Variants in AVEN observed in about 807,000 individuals in gnomAD.
The protein encoded by AVEN is apoptosis and caspase activation inhibitor.
AVEN carries 41 observed loss-of-function variants against 38.1 expected under a neutral mutation model. That is an observed-to-expected ratio of 1.08 (90% CI 0.84 to 1.40). The LOEUF (loss-of-function observed/expected upper bound fraction) is 1.40, where lower values mean the gene tolerates loss of function less well. Ranked by LOEUF, AVEN falls within the 40% of genes most tolerant of loss-of-function variation. AVEN has a pLI of 0.00. For synonymous variants in AVEN, 206 were observed against 171.8 expected (o/e 1.20, Z -1.56); for missense variants, 605 against 438.8 (o/e 1.38, Z -3.38).
intron 3 of AVEN, among the ~76,000 whole-genome samples, chr15:33,872,548 G>C (rs1209327035): frequency 2.0e-5 from 3 of 152,018 alleles, no homozygotes; most frequent in Non-Finnish European, 4.4e-5. Context: ...TCTCTGGGTG[G>C]CGTGGGGGGA....
chr15:33,969,672 C>T (rs765505362), intron 2 of AVEN, among the ~76,000 whole-genome samples: 11 of 151,924 alleles, frequency 7.2e-5, no homozygotes, highest in Non-Finnish European at 1.2e-4. Context: ...TCTACTAAAT[C>T]GAGGTATAAC....
chr15:34,032,470 A>G (rs1263915312), intron 1 of AVEN, among the ~76,000 whole-genome samples: 1 of 152,240 alleles, frequency 6.6e-6, no homozygotes, highest in African/African-American at 2.4e-5. Context: ...GAGTAACACT[A>G]TTAAGAATGA....
chr15:33,965,006 A>C (rs1157928750), intron 2 of AVEN, among the ~76,000 whole-genome samples: 1 of 152,166 alleles, frequency 6.6e-6, no homozygotes, highest in African/African-American at 2.4e-5. Flanking sequence ...TAACAGGGTA[A>C]ACTTGAACAA....
chr15:33,925,091 T>C (rs1893563006), intron 2 of AVEN, among the ~76,000 whole-genome samples: 1 of 152,226 alleles, frequency 6.6e-6, no homozygotes, highest in Admixed American at 6.5e-5. Context: ...TATTAAACTC[T>C]GTGTTAACTA....
chr15:33,864,276 T>A, downstream of AVEN: 1 of 1,017,960 alleles, frequency 9.8e-7, no homozygotes. Flanking sequence ...CTGAAATACA[T>A]ACATGGCCCC....
intron 11 of AVEN, among the ~76,000 whole-genome samples, chr15:33,860,140 T>C (rs915358390): frequency 1.3e-5 from 2 of 151,944 alleles, no homozygotes; most frequent in African/African-American, 2.4e-5. Flanking sequence ...CTTGTCAAGA[T>C]TGGAGAAAGA....
chr15:33,865,229 C>CTGAATCAAAG, downstream of AVEN: 2 of 1,607,920 alleles, frequency 1.2e-6, no homozygotes, highest in Non-Finnish European at 1.7e-6. Flanking sequence ...TTGGATAAAT[C>CTGAATCAAAG]TGAATCAAAG....
At chr15:33,861,944 C>G (rs1888397517), downstream of AVEN, among the ~76,000 whole-genome samples, 1 of 151,886 alleles carries the variant, frequency 6.6e-6, no homozygotes, top group African/African-American at 2.4e-5. Flanking sequence ...TATCCCAGTA[C>G]CTAGAACAAT....
intron 2 of AVEN, among the ~76,000 whole-genome samples, chr15:33,908,113 C>T (rs910470402): frequency 1.3e-5 from 2 of 152,116 alleles, no homozygotes; most frequent in Admixed American, 6.5e-5. Flanking sequence ...ATAAAATTTA[C>T]GATTTTAGTC....
intron 2 of AVEN, among the ~76,000 whole-genome samples, chr15:33,881,143 C>T (rs8041144): frequency 0.037 from 5,664 of 152,172 alleles, 317 homozygotes; most frequent in South Asian, 0.12. Flanking sequence ...GGCTGGAGTG[C>T]AGTGGCACAA....
At chr15:33,858,518 TTATTATGA>T (rs1414004898), downstream of AVEN, 1 of 102,064 alleles carries the variant, frequency 9.8e-6, no homozygotes, top group Non-Finnish European at 2.5e-5. Flanking sequence ...AGATGAGACA[TTATTATGA>T]ATGAAACCAG....
chr15:33,893,926 A>G (rs559692894), intron 2 of AVEN, among the ~76,000 whole-genome samples: 4 of 151,232 alleles, frequency 2.6e-5, no homozygotes, highest in Admixed American at 6.6e-5. Context: ...AAAGAATGAG[A>G]AGGAGGAGCA....
chr15:33,876,408 C>T (rs894113532), intron 2 of AVEN, among the ~76,000 whole-genome samples: 4 of 151,790 alleles, frequency 2.6e-5, no homozygotes, highest in Non-Finnish European at 5.9e-5. Flanking sequence ...CGTGTCTCTA[C>T]TAAAAATACA....
chr15:34,004,956 G>A (rs1183445172), intron 1 of AVEN, among the ~76,000 whole-genome samples: 1 of 150,168 alleles, frequency 6.7e-6, no homozygotes, highest in Non-Finnish European at 1.5e-5. Context: ...TGTATAGGAT[G>A]GGTTAGTGTG....
chr15:33,859,536 G>A lies in AVEN; in HGVS notation n.2730-442C>T, dbSNP rs190330889. 211 of 1,611,212 alleles carry A rather than the reference G, an allele frequency of 1.3e-4. 3 individuals carry two copies. In the Admixed American group the frequency reaches 3.4e-3, roughly 26 times the overall value. On this transcript the variant is annotated intron_variant and non_coding_transcript_variant, in intron 11 of 11. Transcript: ENST00000675287. Reference sequence around the variant, plus strand: ...TGAGCATCTTGCTAAAAACAGAACTGTGACTTTTGCCTAAATCCCCCTTAT... The same window carrying A: ...TGAGCATCTTGCTAAAAACAGAACTATGACTTTTGCCTAAATCCCCCTTAT...
chr15:34,057,218 C>T (rs668922), intron 5 of AVEN, among the ~76,000 whole-genome samples: 95,158 of 150,284 alleles, frequency 0.63, 31,905 homozygotes, highest in South Asian at 0.77. Flanking sequence ...ACTGCAGCAA[C>T]CTCGGCTTCC....
chr15:33,927,862 T>C (rs1893685171), intron 2 of AVEN, among the ~76,000 whole-genome samples: 1 of 152,110 alleles, frequency 6.6e-6, no homozygotes, highest in African/African-American at 2.4e-5. Flanking sequence ...GTTGGGGACA[T>C]ATTTAATGTG....
rs148277277 is a variant in AVEN, at chr15:34,057,141, G to GTT, written n.1637+5780_1637+5781insAA. The stretch of plus-strand genomic sequence containing the variant: ...CAGGAGAAGAGTTTTGGTTTTTTTT[G>GTT]GTTTTTTTTTTTAGGTGGAGTCTTG... On this transcript the variant is annotated intron_variant and non_coding_transcript_variant, in intron 5 of 11. Coordinates refer to the AVEN transcript ENST00000675287. Among the ~76,000 whole-genome samples, 401 of 140,818 alleles carry GTT rather than the reference G, an allele frequency of 2.8e-3. 4 individuals carry two copies. The highest frequency in any genetic ancestry group is 3.3e-3 in the Non-Finnish European group (215 of 64,248). 92.4% of individuals were successfully genotyped at this position (140,818 alleles called of 152,430 possible).
At chr15:34,044,292 C>A (rs1262354652) in intron 5 of AVEN, among the ~76,000 whole-genome samples, 1 of 152,196 alleles carries the variant, frequency 6.6e-6, no homozygotes, top group Non-Finnish European at 1.5e-5. Context: ...GCAAGTTTCA[C>A]TGTGATCTCC....
Sources: gnomAD v4.1 joint callset for allele counts (sites outside exome capture counted in the v4.1 genomes callset) on GRCh38, gnomAD v4.1.1 for gene constraint, MANE v1.5 for transcripts, NCBI Gene and HGNC (gene_info 2026-07-23, HGNC 2026-07-21) for gene names.